Variants in NUDT13 observed in about 807,000 individuals in gnomAD.
The protein encoded by NUDT13 is NAD(P)H pyrophosphatase NUDT13, mitochondrial.
A neutral mutation model predicts 41.7 loss-of-function variants in NUDT13; 40 were observed. That is an observed-to-expected ratio of 0.96 (90% CI 0.75 to 1.25). NUDT13 has a LOEUF of 1.25. Among genes scored for constraint, NUDT13 ranks in the 50% most tolerant of loss-of-function variants. The pLI is 0.00. For missense variants in NUDT13, 390 were observed against 416.1 expected, an observed-to-expected ratio of 0.94 and a Z score of 0.55; for synonymous variants, 145 against 155.5, an observed-to-expected ratio of 0.93 and a Z score of 0.50.
At chr10:73,119,266 G>A (rs1024360812) in intron 2 of NUDT13, among the ~76,000 whole-genome samples, 10 of 151,954 alleles carry the variant, frequency 6.6e-5, no homozygotes, top group African/African-American at 1.4e-4. Flanking sequence ...GGCTGGTCTC[G>A]AACTCCTGAC....
chr10:73,124,290 C>T lies in NUDT13; in HGVS notation c.435C>T (p.Leu145=), dbSNP rs756382342. 4 of 1,612,880 alleles carry T rather than the reference C, an allele frequency of 2.5e-6. No individual in the cohort carries two copies. The highest frequency in any genetic ancestry group is 3.4e-6 in the Non-Finnish European group (4 of 1,179,306). The change falls in exon 5 of 9, where the codon CTC becomes CTT. Residue 145 remains leucine (L), a synonymous_variant. Transcript: ENST00000357321. ...FIELRKALFQ[L]NARDASLLST... ...AGCTGAGAAAGGCACTCTTTCAACTCAATGCAAGGGATGCCTCCTTGCTGT... is the reference window on the plus strand; with the variant it reads ...AGCTGAGAAAGGCACTCTTTCAACTTAATGCAAGGGATGCCTCCTTGCTGT...
intron 4 of NUDT13, 34 bp downstream of exon 4, chr10:73,122,343 G>A (rs1318825836): frequency 6.4e-7 from 1 of 1,556,170 alleles, no homozygotes; most frequent in Non-Finnish European, 8.7e-7. Context: ...GTACTTCCCA[G>A]TGGTCTTCAG....
Position 73,130,977 on chromosome 10 carries a change from G to T in NUDT13, c.*74G>T. On this transcript the variant is annotated 3_prime_UTR_variant, in exon 9 of 9. Transcript: ENST00000357321. ...CTAGAGATCAGTTGACAAAGGAGAA[G>T]TGACAAAAGATAAGCTGCAGAAGGA... is the stretch of plus-strand genomic sequence containing the variant. The T allele has an allele frequency of 7.5e-7, 1 of 1,335,472 alleles. No individual in the cohort carries two copies. The allele number at this position is 1,335,472 out of a possible 1,614,324, so 82.7% of individuals were successfully genotyped here. A position where few individuals can be genotyped will look rare whatever the true frequency, so the allele number is the denominator to read the frequency against.
chr10:73,128,052 G>A (rs1280776360), intron 8 of NUDT13, among the ~76,000 whole-genome samples: 1 of 152,028 alleles, frequency 6.6e-6, no homozygotes, highest in Admixed American at 6.6e-5. Context: ...TTCTGTGTCT[G>A]GCTTATTTCA....
intron 2 of NUDT13, among the ~76,000 whole-genome samples, chr10:73,116,077 A>G (rs575116498): frequency 6.6e-6 from 1 of 151,934 alleles, no homozygotes; most frequent in Admixed American, 6.6e-5. Flanking sequence ...CTATGATCAT[A>G]GCTCACTGCA....
chr10:73,129,677 A>G (rs998233351), intron 8 of NUDT13, among the ~76,000 whole-genome samples: 5 of 143,658 alleles, frequency 3.5e-5, no homozygotes, highest in South Asian at 2.1e-4. Flanking sequence ...TTACCCTTTA[A>G]AAAAAAAAAA....
intron 3 of NUDT13, among the ~76,000 whole-genome samples, chr10:73,120,925 G>A (rs1456224186): frequency 6.9e-6 from 1 of 145,026 alleles, no homozygotes; most frequent in African/African-American, 2.7e-5. Context: ...GTGACAGAGC[G>A]AGACTCCATC....
chr10:73,130,731 C>G lies in NUDT13; in HGVS notation c.887C>G (p.Thr296Arg). ...CAGGTGAACTTGAGAGAATTAGAGA[C>G]AGCTGCCTGGTTCAGTCATGATGAG... ...EIQVNLRELE[T>R]AAWFSHDEVA... The change falls in exon 9 of 9, where the codon ACA (threonine) becomes AGA (arginine). Residue 296 changes from threonine to arginine, a missense_variant. By Grantham distance (71) the Thr-to-Arg change is moderately conservative. Coordinates refer to ENST00000357321, the MANE Select transcript of NUDT13 (RefSeq NM_015901.6). 6.2e-7 allele frequency: 1 copy of G among 1,613,796 alleles called. No homozygotes were observed. The highest frequency in any genetic ancestry group is 8.5e-7 in the Non-Finnish European group (1 of 1,179,858).
At chr10:73,121,867 A>C (rs1325596113) in intron 3 of NUDT13, among the ~76,000 whole-genome samples, 1 of 151,812 alleles carries the variant, frequency 6.6e-6, no homozygotes, top group East Asian at 1.9e-4. Context: ...TCAATGACTT[A>C]ATAAGTTAAC....
At position 73,130,963 on chromosome 10, in the gene NUDT13, T is replaced by C. The variant is rs1842905734; in HGVS notation, c.*60T>C. ...TCCTGAGGGACAAACTAGAGATCAG[T>C]TGACAAAGGAGAAGTGACAAAAGAT... On this transcript the variant is annotated 3_prime_UTR_variant, in exon 9 of 9. Coordinates refer to ENST00000357321, the MANE Select transcript of NUDT13 (RefSeq NM_015901.6). 3 of 1,428,888 alleles carry C rather than the reference T, an allele frequency of 2.1e-6. No homozygotes were observed. Among genetic ancestry groups the C allele is most frequent in the Admixed American group, 1.7e-5 (1 of 59,086 alleles). 88.5% of individuals were successfully genotyped at this position (1,428,888 alleles called of 1,614,324 possible). A position where few individuals can be genotyped will look rare whatever the true frequency, so the allele number is the denominator to read the frequency against.
intron 4 of NUDT13, among the ~76,000 whole-genome samples, chr10:73,123,185 C>T (rs892744582): frequency 6.6e-6 from 1 of 152,194 alleles, no homozygotes; most frequent in Non-Finnish European, 1.5e-5. Context: ...CAGGCATGAG[C>T]CACCAAGCCC....
chr10:73,119,751 A>G (rs1230132418), intron 2 of NUDT13, among the ~76,000 whole-genome samples: 1 of 152,236 alleles, frequency 6.6e-6, no homozygotes, highest in Non-Finnish European at 1.5e-5. Flanking sequence ...TAAGGAGATC[A>G]TAGTCTCTCA....
At chr10:73,112,511 A>G (rs1469786790) in intron 1 of NUDT13, among the ~76,000 whole-genome samples, 1 of 152,066 alleles carries the variant, frequency 6.6e-6, no homozygotes, top group African/African-American at 2.4e-5. Flanking sequence ...GTATTAAAGT[A>G]TAATATATAC....
intron 7 of NUDT13, 54 bp downstream of exon 7, chr10:73,125,563 A>C (rs538994817): frequency 7.4e-5 from 86 of 1,165,674 alleles, no homozygotes; most frequent in Non-Finnish European, 9.7e-5. Context: ...AATCTTACTA[A>C]TACAATCTTC....
chr10:73,116,876 A>ATTTTTTTTTTT (rs56229464), intron 2 of NUDT13, among the ~76,000 whole-genome samples: 2 of 81,868 alleles, frequency 2.4e-5, no homozygotes, highest in African/African-American at 9.8e-5. Flanking sequence ...GACTACAAGA[A>ATTTTTTTTTTT]TTTTTTTTTT....
chr10:73,125,677 A>ATATATATATATATATATATATATATAT, intron 7 of NUDT13, 168 bp downstream of exon 7: 49 of 167,242 alleles, frequency 2.9e-4, no homozygotes, highest in Middle Eastern at 2.6e-3. Flanking sequence ...ATATATATAT[A>ATATATATATATATATATATATATATAT]AAATTTTTTC....
chr10:73,122,931 A>C (rs1398819273), intron 4 of NUDT13, among the ~76,000 whole-genome samples: 44 of 109,000 alleles, frequency 4.0e-4, no homozygotes, highest in Middle Eastern at 7.5e-3. Context: ...GCAGAGTTTC[A>C]CTCTTGTTGC....
At chr10:73,125,897 G>C (rs1842764362) in intron 7 of NUDT13, among the ~76,000 whole-genome samples, 1 of 151,852 alleles carries the variant, frequency 6.6e-6, no homozygotes, top group Non-Finnish European at 1.5e-5. Context: ...TGTTGCCTAG[G>C]CCAGTCCTGA....
At chr10:73,117,232 A>G (rs1842535754) in intron 2 of NUDT13, among the ~76,000 whole-genome samples, 1 of 151,934 alleles carries the variant, frequency 6.6e-6, no homozygotes. Context: ...AAGTATGTTA[A>G]AGTGATTAAA....
Sources: gnomAD v4.1 joint callset for allele counts (sites outside exome capture counted in the v4.1 genomes callset) on GRCh38, gnomAD v4.1.1 for gene constraint, MANE v1.5 for transcripts, NCBI Gene and HGNC (gene_info 2026-07-23, HGNC 2026-07-21) for gene names.